Variants in SUGCT observed in about 807,000 individuals in gnomAD.
SUGCT encodes succinyl-CoA:glutarate CoA-transferase.
In SUGCT, 41 loss-of-function variants were observed where a neutral mutation model predicts 55.0. That is an observed-to-expected ratio of 0.74 (90% CI 0.58 to 0.97). The LOEUF is 0.97. Among genes scored for constraint, SUGCT ranks in the 50% least tolerant of loss-of-function variants. The pLI is 0.00. For synonymous variants in SUGCT, 187 were observed against 200.4 expected, an observed-to-expected ratio of 0.93 and a Z score of 0.56; for missense variants, 568 against 547.8, an observed-to-expected ratio of 1.04 and a Z score of -0.37.
chr7:40,323,332 A>G lies in SUGCT; in HGVS notation c.816+6477A>G, dbSNP rs1262867097. Among the ~76,000 whole-genome samples the G allele has an allele frequency of 2.0e-5, 3 of 152,176 alleles. No homozygotes were observed. The East Asian group carries it at 5.8e-4, about 29-fold the overall frequency. On this transcript the variant is annotated intron_variant, in intron 9 of 13. Transcript: ENST00000335693. The stretch of plus-strand genomic sequence containing the variant: ...TCATTTGGATGTCTTGTTAAGATGC[A>G]GATTCTGTTTCAAGGTGATGTTGAT...
chr7:40,262,069 A>T (rs987493245), intron 7 of SUGCT, among the ~76,000 whole-genome samples: 2 of 152,204 alleles, frequency 1.3e-5, no homozygotes, highest in African/African-American at 4.8e-5. Flanking sequence ...GGAGCTTAGT[A>T]AAAATGATTG....
chr7:40,616,840 T>TGG (rs984446417), intron 12 of SUGCT, among the ~76,000 whole-genome samples: 5 of 152,218 alleles, frequency 3.3e-5, no homozygotes, highest in African/African-American at 1.2e-4. Flanking sequence ...GGAGGGGTCC[T>TGG]GGAGACAACA....
At chr7:40,750,541 T>C (rs943309457) in intron 13 of SUGCT, among the ~76,000 whole-genome samples, 4 of 152,208 alleles carry the variant, frequency 2.6e-5, no homozygotes. Context: ...ATCTCATTTA[T>C]TGAAGGACTA....
intron 1 of SUGCT, among the ~76,000 whole-genome samples, chr7:40,148,667 A>G (rs1562796142): frequency 1.3e-5 from 2 of 152,112 alleles, no homozygotes. Context: ...AAAACAAACA[A>G]AAAAACCAGA....
chr7:40,484,859 A>G lies in SUGCT; in HGVS notation c.987-11425A>G, dbSNP rs555739361. ...GTGGTCTACTTTCATGAACTTCACC[A>G]CCAGAAGTCAAGCAGTAGAAGGTGG... On this transcript the variant is annotated intron_variant, in intron 11 of 13. Transcript: ENST00000335693. Among the ~76,000 whole-genome samples, 4 of 152,122 alleles carry G rather than the reference A, an allele frequency of 2.6e-5. No homozygotes were observed. The South Asian group carries it at 8.3e-4, about 32-fold the overall frequency.
chr7:40,195,154 T>C (rs1584311397), intron 6 of SUGCT, 94 bp downstream of exon 6: 1 of 1,372,848 alleles, frequency 7.3e-7, no homozygotes, highest in Non-Finnish European at 9.7e-7. Flanking sequence ...TTTTTTTTTT[T>C]TTGGAAGTTA....
chr7:40,499,089 G>T (rs971232492), intron 12 of SUGCT: 1 of 456,590 alleles, frequency 2.2e-6, no homozygotes, highest in African/African-American at 2.0e-5. Context: ...GGCCACTTCT[G>T]TTCAGATGTG....
chr7:40,798,312 A>G (rs1379607969), intron 13 of SUGCT, among the ~76,000 whole-genome samples: 1 of 152,118 alleles, frequency 6.6e-6, no homozygotes, highest in Non-Finnish European at 1.5e-5. Flanking sequence ...AGATTGATTA[A>G]TTATGACAAA....
chr7:40,309,536 C>G (rs1795027958), intron 8 of SUGCT, among the ~76,000 whole-genome samples: 1 of 152,132 alleles, frequency 6.6e-6, no homozygotes, highest in African/African-American at 2.4e-5. Context: ...CTCAAGTGAT[C>G]CACCTGCCTT....
In SUGCT at chr7:40,218,243, AG is replaced by A. The variant is rs1439921309; in HGVS notation, c.485-19389del. Among the ~76,000 whole-genome samples the A allele has an allele frequency of 2.0e-5, 3 of 152,218 alleles. No individual in the cohort carries two copies. The East Asian group carries it at 5.8e-4, about 29-fold the overall frequency. ...AAAACAAAAAAAGTAAGTAGAATAA[AG>A]GGAGTGAAAGCAAGAGGTGCTCTTC... On this transcript the variant is annotated intron_variant, in intron 6 of 13. Transcript: ENST00000335693.
chr7:40,167,006 C>G (rs1189358876), intron 1 of SUGCT, among the ~76,000 whole-genome samples: 1 of 152,056 alleles, frequency 6.6e-6, no homozygotes, highest in Non-Finnish European at 1.5e-5. Context: ...AAAAGCTATA[C>G]ATGCACTTAC....
the SUGCT span, among the ~76,000 whole-genome samples, chr7:40,916,070 TACACACACACACAC>T: frequency 2.4e-4 from 35 of 144,844 alleles, no homozygotes; most frequent in Admixed American, 1.5e-3. Context: ...TCTCTCTACA[TACACACACACACAC>T]ACACACACAC....
At chr7:40,211,191 C>T (rs908237735) in intron 6 of SUGCT, among the ~76,000 whole-genome samples, 2 of 151,644 alleles carry the variant, frequency 1.3e-5, no homozygotes, top group Non-Finnish European at 2.9e-5. Flanking sequence ...CCAGACTGAT[C>T]TCAAACTCTT....
intron 1 of SUGCT, among the ~76,000 whole-genome samples, chr7:40,161,403 A>C (rs1433259956): frequency 6.6e-6 from 1 of 151,886 alleles, no homozygotes; most frequent in Admixed American, 6.6e-5. Flanking sequence ...CTTTGTATTC[A>C]CACTCTTAAC....
chr7:40,906,526 G>A, the SUGCT span, among the ~76,000 whole-genome samples: 1 of 152,212 alleles, frequency 6.6e-6, no homozygotes, highest in Non-Finnish European at 1.5e-5. Context: ...ACTACAGATA[G>A]AAAATATTTT....
At chr7:40,979,553 A>G in the SUGCT span, 1 of 152,332 alleles carries the variant, frequency 6.6e-6, no homozygotes, top group Non-Finnish European at 1.5e-5. Flanking sequence ...GCATCTGGTG[A>G]AACTTCCTTT....
intron 7 of SUGCT, among the ~76,000 whole-genome samples, chr7:40,253,489 G>T (rs559019292): frequency 6.6e-6 from 1 of 152,284 alleles, no homozygotes; most frequent in Non-Finnish European, 1.5e-5. Context: ...TGGCTGTACT[G>T]TACCCCCCAA....
intron 13 of SUGCT, among the ~76,000 whole-genome samples, chr7:40,807,272 G>A (rs980644066): frequency 1.3e-5 from 2 of 152,078 alleles, no homozygotes; most frequent in Non-Finnish European, 2.9e-5. Flanking sequence ...GTACAGGTTT[G>A]TCACATAGGT....
chr7:40,514,912 T>C (rs868054803), intron 12 of SUGCT, among the ~76,000 whole-genome samples: 27 of 152,182 alleles, frequency 1.8e-4, no homozygotes, highest in African/African-American at 6.3e-4. Context: ...TAAAAACATG[T>C]TTTTATTTTT....
Sources: allele counts gnomAD v4.1 joint callset (sites outside exome capture counted in the v4.1 genomes callset), GRCh38; gene constraint gnomAD v4.1.1; transcripts MANE v1.5; gene names NCBI Gene and HGNC (gene_info 2026-07-23, HGNC 2026-07-21).